RBFOX1: variants seen among roughly 807,000 people sequenced by gnomAD.
RBFOX1 encodes RNA binding protein fox-1 homolog 1.
Under a neutral mutation model 57.7 loss-of-function variants are expected in RBFOX1, and 8 were observed. The ratio of observed to expected loss-of-function variants is 0.14; its 90% CI spans 0.08 to 0.25. The LOEUF (loss-of-function observed/expected upper bound fraction) is 0.25, where lower values mean the gene tolerates loss of function less well. Among genes scored for constraint, RBFOX1 ranks in the 10% least tolerant of loss-of-function variants. The probability of loss-of-function intolerance (pLI) is 1.00; values close to 1 mark genes in which losing one functional copy is unlikely to be tolerated. For missense variants in RBFOX1, 611 were observed against 548.5 expected, an observed-to-expected ratio of 1.11 and a Z score of -1.14; for synonymous variants, 326 against 222.4, an observed-to-expected ratio of 1.47 and a Z score of -4.15.
chr16:5,318,362 C>T (rs536721452), intron 1 of RBFOX1, among the ~76,000 whole-genome samples: 1 of 152,218 alleles, frequency 6.6e-6, no homozygotes, highest in Non-Finnish European at 1.5e-5. Context: ...CTCCTGACCT[C>T]AAGTGATGCA....
chr16:7,075,801 T>C (rs1174532188), intron 4 of RBFOX1, among the ~76,000 whole-genome samples: 3 of 152,118 alleles, frequency 2.0e-5, no homozygotes, highest in African/African-American at 7.2e-5. Context: ...AGGATGGTCT[T>C]GATCTCCTGA....
At chr16:5,641,236 CAT>C (rs2048863815) in intron 3 of RBFOX1, among the ~76,000 whole-genome samples, 1 of 152,216 alleles carries the variant, frequency 6.6e-6, no homozygotes, top group Non-Finnish European at 1.5e-5. Context: ...CACATACACA[CAT>C]GTACCAACTG....
At chr16:6,988,545 T>C (rs545351863) in intron 3 of RBFOX1, among the ~76,000 whole-genome samples, 1 of 151,582 alleles carries the variant, frequency 6.6e-6, no homozygotes, top group African/African-American at 2.4e-5. Context: ...TTTTCCCTTT[T>C]TATTTTAATT....
At position 5,611,750 on chromosome 16, in the gene RBFOX1, T is replaced by TC. The variant is rs2047809447; in HGVS notation, c.318+12790dup. On this transcript the variant is annotated intron_variant, in intron 3 of 19. Transcript: ENST00000641259. ...TCCATCCATCCATCCATCCATCCAT[T>TC]CACCCTTCTTTTCAGTCTCCCATCC... is the stretch of plus-strand genomic sequence containing the variant. 1.9e-3 allele frequency among the ~76,000 whole-genome samples: 13 copies of TC among 6,840 alleles called. No homozygotes were observed. The South Asian group carries it at 0.057, about 30-fold the overall frequency. The allele number at this position is 6,840 out of a possible 152,430, so 4.5% of individuals were successfully genotyped here.
At position 5,680,335 on chromosome 16, in the gene RBFOX1, G is replaced by A. The variant is rs184321295; in HGVS notation, c.318+81374G>A. Among the ~76,000 whole-genome samples, 28 of 152,226 alleles carry A rather than the reference G, an allele frequency of 1.8e-4. No homozygotes were observed. The East Asian group carries it at 4.6e-3, about 25-fold the overall frequency. On this transcript the variant is annotated intron_variant, in intron 3 of 19. Coordinates refer to the RBFOX1 transcript ENST00000641259. ...CACCTGAAAAAAATCTTCACTTTGC[G>A]GCCAAGTCCATTGAACCCTAATGTC...
intron 4 of RBFOX1, among the ~76,000 whole-genome samples, chr16:5,906,125 A>T (rs2058448901): frequency 6.6e-6 from 1 of 152,080 alleles, no homozygotes; most frequent in African/African-American, 2.4e-5. Context: ...ATTTTTCTTG[A>T]CACAAGCATT....
At chr16:6,165,679 C>T (rs568132052) in intron 1 of RBFOX1, among the ~76,000 whole-genome samples, 32 of 152,304 alleles carry the variant, frequency 2.1e-4, no homozygotes, top group African/African-American at 7.0e-4. Context: ...TGCAGGTGAA[C>T]GTCTAAACGC....
intron 3 of RBFOX1, among the ~76,000 whole-genome samples, chr16:6,794,382 CTT>C (rs1469876033): frequency 1.4e-5 from 2 of 147,638 alleles, no homozygotes; most frequent in Non-Finnish European, 3.0e-5. Context: ...TAACTACACT[CTT>C]TGAAAAAAAA....
chr16:7,034,852 T>C (rs1311830720), intron 3 of RBFOX1, among the ~76,000 whole-genome samples: 1 of 82,376 alleles, frequency 1.2e-5, no homozygotes, highest in Non-Finnish European at 2.4e-5. Context: ...TTTTTTCTTT[T>C]TTTTTTTTTT....
chr16:7,367,196 G>C (rs1023670404), intron 4 of RBFOX1, among the ~76,000 whole-genome samples: 3 of 152,114 alleles, frequency 2.0e-5, no homozygotes, highest in Non-Finnish European at 2.9e-5. Context: ...AATGGCTGAG[G>C]CCCCCACCCC....
At chr16:6,924,058 T>G (rs1172746053) in intron 3 of RBFOX1, among the ~76,000 whole-genome samples, 1 of 151,822 alleles carries the variant, frequency 6.6e-6, no homozygotes, top group Non-Finnish European at 1.5e-5. Context: ...TAGTCCCAGC[T>G]TCTCGGGAGA....
intron 4 of RBFOX1, among the ~76,000 whole-genome samples, chr16:7,295,645 A>G (rs2095873905): frequency 6.6e-6 from 1 of 152,094 alleles, no homozygotes; most frequent in South Asian, 2.1e-4. Flanking sequence ...GCAAGACTCC[A>G]AAAGGTGTAC....
chr16:6,125,794 C>G (rs553112533), intron 1 of RBFOX1, among the ~76,000 whole-genome samples: 1 of 152,182 alleles, frequency 6.6e-6, no homozygotes, highest in East Asian at 1.9e-4. Context: ...AGATCAGTGG[C>G]AAAGGGTTGG....
At chr16:5,611,835 C>T (rs962204118) in intron 3 of RBFOX1, among the ~76,000 whole-genome samples, 1 of 141,140 alleles carries the variant, frequency 7.1e-6, no homozygotes, top group African/African-American at 2.6e-5. Flanking sequence ...TCTACTCTCC[C>T]GTCACTCAGC....
intron 3 of RBFOX1, chr16:6,983,538 C>G (rs1391481196): frequency 1.3e-5 from 2 of 151,816 alleles, no homozygotes; most frequent in Non-Finnish European, 2.9e-5. Flanking sequence ...GCATTGCACT[C>G]ACTCCCCAGG....
intron 3 of RBFOX1, among the ~76,000 whole-genome samples, chr16:6,830,963 C>T (rs140740854): frequency 2.5e-3 from 375 of 152,198 alleles, no homozygotes; most frequent in African/African-American, 6.6e-3. Context: ...TATTTAATTG[C>T]GATATGTAAA....
chr16:5,604,665 C>T (rs751202397), downstream of RBFOX1, among the ~76,000 whole-genome samples: 9 of 152,114 alleles, frequency 5.9e-5, no homozygotes, highest in African/African-American at 1.4e-4. Flanking sequence ...ATCATGGGGC[C>T]GCACTGAGGT....
chr16:6,549,033 C>A (rs112115696), intron 2 of RBFOX1, among the ~76,000 whole-genome samples: 1,999 of 147,596 alleles, frequency 0.014, 43 homozygotes, highest in African/African-American at 0.047. Flanking sequence ...TGAGATCATG[C>A]CACTGCACTC....
At chr16:7,432,621 C>A (rs147221761) in intron 4 of RBFOX1, among the ~76,000 whole-genome samples, 2 of 152,306 alleles carry the variant, frequency 1.3e-5, no homozygotes, top group Admixed American at 1.3e-4. Context: ...AGTGTGAAAG[C>A]AGTCACAGAC....
Sources: allele counts gnomAD v4.1 joint callset (sites outside exome capture counted in the v4.1 genomes callset), GRCh38; gene constraint gnomAD v4.1.1; transcripts MANE v1.5; gene names NCBI Gene and HGNC (gene_info 2026-07-23, HGNC 2026-07-21).